SRD5A2: variants seen among roughly 807,000 people sequenced by gnomAD.
SRD5A2 encodes steroid 5 alpha-reductase 2.
SRD5A2 carries 30 observed loss-of-function variants against 27.4 expected under a neutral mutation model. The observed-to-expected ratio is 1.10, with a 90% CI of 0.82 to 1.49. The LOEUF (loss-of-function observed/expected upper bound fraction) is 1.49. SRD5A2 is among the 40% of genes most tolerant of loss of function. The pLI, the probability that SRD5A2 is intolerant of heterozygous loss-of-function variation, is 0.00. For synonymous variants in SRD5A2, 141 were observed against 133.6 expected (o/e 1.06, Z -0.38); for missense variants, 348 against 323.4 (o/e 1.08, Z -0.58).
chr2:31,650,816 G>GA, the SRD5A2 span, among the ~76,000 whole-genome samples: 1 of 152,160 alleles, frequency 6.6e-6, no homozygotes, highest in Admixed American at 6.5e-5. Context: ...AGAGAAGAGG[G>GA]AAAACCACAC....
chr2:31,618,109 G>A, the SRD5A2 span, among the ~76,000 whole-genome samples: 1 of 152,126 alleles, frequency 6.6e-6, no homozygotes, highest in East Asian at 1.9e-4. Flanking sequence ...AGGAGAATGA[G>A]GAACAGAGTA....
intron 1 of SRD5A2, among the ~76,000 whole-genome samples, chr2:31,536,058 A>G (rs1163608234): frequency 6.6e-6 from 1 of 152,248 alleles, no homozygotes; most frequent in African/African-American, 2.4e-5. Flanking sequence ...CAGAAATTAA[A>G]TAAGATGATG....
At chr2:31,578,076 A>C (rs1666995962) in intron 1 of SRD5A2, among the ~76,000 whole-genome samples, 1 of 152,140 alleles carries the variant, frequency 6.6e-6, no homozygotes, top group Non-Finnish European at 1.5e-5. Flanking sequence ...GAACTAAAAA[A>C]CCATATATTC....
intron 1 of SRD5A2, among the ~76,000 whole-genome samples, chr2:31,561,157 A>G (rs1468507642): frequency 6.6e-6 from 1 of 152,100 alleles, no homozygotes; most frequent in Non-Finnish European, 1.5e-5. Context: ...ATAATAATGC[A>G]ATGAGATTTG....
At chr2:31,533,410 C>A (rs138682100) in intron 2 of SRD5A2, among the ~76,000 whole-genome samples, 193 bp downstream of exon 2, 10 of 152,052 alleles carry the variant, frequency 6.6e-5, no homozygotes, top group Non-Finnish European at 1.2e-4. Flanking sequence ...GAGAGTTTTG[C>A]GATGGGAAAT....
chr2:31,657,729 TA>T, the SRD5A2 span, among the ~76,000 whole-genome samples: 14 of 151,940 alleles, frequency 9.2e-5, no homozygotes, highest in Admixed American at 1.3e-4. Context: ...GAGTTAAATG[TA>T]AAAAAAACTC....
chr2:31,654,647 C>A, the SRD5A2 span, among the ~76,000 whole-genome samples: 1 of 152,080 alleles, frequency 6.6e-6, no homozygotes, highest in African/African-American at 2.4e-5. Context: ...ATGTTAAAAA[C>A]AACTTGATAA....
At chr2:31,594,947 T>C in the SRD5A2 span, among the ~76,000 whole-genome samples, 3 of 152,150 alleles carry the variant, frequency 2.0e-5, no homozygotes, top group Admixed American at 1.3e-4. Context: ...AATAATCTGC[T>C]CCTGAATAAT....
At chr2:31,529,214 T>C in intron 4 of SRD5A2, 93 bp downstream of exon 4, 2 of 1,507,936 alleles carry the variant, frequency 1.3e-6, no homozygotes, top group Non-Finnish European at 1.8e-6. Flanking sequence ...AAATTAAATA[T>C]CTTCGGTTTC....
At chr2:31,639,229 C>A in the SRD5A2 span, among the ~76,000 whole-genome samples, 1 of 152,170 alleles carries the variant, frequency 6.6e-6, no homozygotes. Flanking sequence ...TTAACTCCAT[C>A]CCCGCCCAAC....
At chr2:31,573,558 C>T (rs1348084844) in intron 1 of SRD5A2, among the ~76,000 whole-genome samples, 4 of 152,194 alleles carry the variant, frequency 2.6e-5, no homozygotes, top group South Asian at 4.1e-4. Context: ...AAGTAGACAA[C>T]GTTTGTATTC....
the SRD5A2 span, among the ~76,000 whole-genome samples, chr2:31,657,088 T>C: frequency 6.6e-6 from 1 of 152,206 alleles, no homozygotes; most frequent in African/African-American, 2.4e-5. Context: ...TGGTATAGTA[T>C]CCTAGCTAGG....
chr2:31,612,292 A>G, the SRD5A2 span, among the ~76,000 whole-genome samples: 1 of 151,866 alleles, frequency 6.6e-6, no homozygotes, highest in East Asian at 1.9e-4. Context: ...AAATTAAAAA[A>G]AAAAAAGAGA....
chr2:31,525,889 T>C lies in SRD5A2; in HGVS notation c.*307A>G, dbSNP rs542605254. On this transcript the variant is annotated 3_prime_UTR_variant, in exon 5 of 5. Coordinates refer to ENST00000622030, the MANE Select transcript of SRD5A2 (RefSeq NM_000348.4). ...GAGTGGGTATGAAGCCACATGTACT[T>C]GGATTGCCCGGTGAAAGACATAGGA... 3 of 312,954 alleles carry C rather than the reference T, an allele frequency of 9.6e-6. No homozygotes were observed. The highest frequency in any genetic ancestry group is 1.8e-5 in the Non-Finnish European group (3 of 167,884). The allele number at this position is 312,954 out of a possible 1,614,324, so 19.4% of individuals were successfully genotyped here. A position where few individuals can be genotyped will look rare whatever the true frequency, so the allele number is the denominator to read the frequency against.
chr2:31,597,289 G>C, the SRD5A2 span, among the ~76,000 whole-genome samples: 1 of 152,044 alleles, frequency 6.6e-6, no homozygotes, highest in Non-Finnish European at 1.5e-5. Flanking sequence ...AATGAAACTA[G>C]ATCTGCATCT....
At chr2:31,592,853 A>T in the SRD5A2 span, among the ~76,000 whole-genome samples, 2 of 152,354 alleles carry the variant, frequency 1.3e-5, no homozygotes, top group South Asian at 4.1e-4. Context: ...GAATTACCAG[A>T]TAAAGAATTT....
chr2:31,548,798 C>T (rs766977242), intron 1 of SRD5A2, among the ~76,000 whole-genome samples: 5 of 152,244 alleles, frequency 3.3e-5, no homozygotes, highest in Non-Finnish European at 5.9e-5. Flanking sequence ...TTGATAGAAG[C>T]ATTATTCACA....
intron 1 of SRD5A2, among the ~76,000 whole-genome samples, chr2:31,567,032 T>C (rs1666744626): frequency 6.6e-6 from 1 of 152,188 alleles, no homozygotes; most frequent in Non-Finnish European, 1.5e-5. Context: ...TTTATTTCCA[T>C]ACACAGATAT....
the SRD5A2 span, among the ~76,000 whole-genome samples, chr2:31,598,486 C>T: frequency 6.7e-6 from 1 of 150,184 alleles, no homozygotes; most frequent in African/African-American, 2.4e-5. Context: ...AGACATAGTA[C>T]AATAAGATAA....
Sources: gnomAD v4.1 joint callset for allele counts (sites outside exome capture counted in the v4.1 genomes callset) on GRCh38, gnomAD v4.1.1 for gene constraint, MANE v1.5 for transcripts, NCBI Gene and HGNC (gene_info 2026-07-23, HGNC 2026-07-21) for gene names.